Variants in CSTPP1 observed in about 807,000 individuals in gnomAD.
CSTPP1 encodes the protein centriolar satellite-associated tubulin polyglutamylase complex regulator 1, also known as UPF0705 protein C11orf49.
the CSTPP1 span, among the ~76,000 whole-genome samples, chr11:47,095,105 C>T: frequency 6.6e-6 from 1 of 151,998 alleles, no homozygotes; most frequent in Non-Finnish European, 1.5e-5. Flanking sequence ...ATGGCATGGC[C>T]CAGGAGAAGT....
the CSTPP1 span, among the ~76,000 whole-genome samples, chr11:46,955,426 C>T: frequency 3.4e-5 from 5 of 147,976 alleles, no homozygotes; most frequent in South Asian, 2.2e-4. Context: ...TGCAGTGGTG[C>T]GATCTCAGCT....
the CSTPP1 span, among the ~76,000 whole-genome samples, chr11:47,042,246 A>T: frequency 6.6e-6 from 1 of 151,744 alleles, no homozygotes; most frequent in African/African-American, 2.4e-5. Context: ...GGAAGGAAGG[A>T]TGGATGGATG....
At chr11:47,157,048 CTA>C in the CSTPP1 span, 1 of 1,614,152 alleles carries the variant, frequency 6.2e-7, no homozygotes, top group African/African-American at 1.3e-5. Context: ...TGGCTGCCAT[CTA>C]TGAGGACCTG....
At chr11:46,981,110 C>T in the CSTPP1 span, among the ~76,000 whole-genome samples, 3 of 151,874 alleles carry the variant, frequency 2.0e-5, no homozygotes, top group African/African-American at 7.3e-5. Flanking sequence ...GAAACACGTA[C>T]AAGAATGTTC....
chr11:47,155,236 C>T, the CSTPP1 span: 1 of 1,613,930 alleles, frequency 6.2e-7, no homozygotes, highest in South Asian at 1.1e-5. Context: ...TCCTCTTTGC[C>T]TTCCAGATCC....
At chr11:47,042,813 T>C in the CSTPP1 span, among the ~76,000 whole-genome samples, 2 of 152,226 alleles carry the variant, frequency 1.3e-5, no homozygotes, top group Non-Finnish European at 2.9e-5. Flanking sequence ...AAGAACTTTG[T>C]AGTTTAGTCA....
At chr11:47,018,287 CT>C in the CSTPP1 span, among the ~76,000 whole-genome samples, 1,447 of 82,242 alleles carry the variant, frequency 0.018, 1 homozygote, top group South Asian at 0.055. Flanking sequence ...GTATGTTTAG[CT>C]TTTTTTTTTT....
the CSTPP1 span, chr11:47,157,985 C>CT: frequency 2.8e-6 from 4 of 1,437,162 alleles, no homozygotes; most frequent in South Asian, 4.6e-5. Flanking sequence ...CAGCTGGCCT[C>CT]TGTTAGCAAC....
chr11:47,028,482 C>T, the CSTPP1 span, among the ~76,000 whole-genome samples: 8 of 152,034 alleles, frequency 5.3e-5, no homozygotes, highest in African/African-American at 1.7e-4. Context: ...GTTCTAAGAA[C>T]TGTAGTAATT....
chr11:47,030,262 G>T, the CSTPP1 span, among the ~76,000 whole-genome samples: 1 of 152,304 alleles, frequency 6.6e-6, no homozygotes, highest in East Asian at 1.9e-4. Flanking sequence ...GGCCTAGGAA[G>T]ACTCAACTGC....
At chr11:46,970,610 A>G in the CSTPP1 span, among the ~76,000 whole-genome samples, 3 of 152,076 alleles carry the variant, frequency 2.0e-5, no homozygotes, top group Admixed American at 1.3e-4. Context: ...AAATTGATAT[A>G]GATCTGTAAG....
the CSTPP1 span, among the ~76,000 whole-genome samples, chr11:47,069,731 CAG>C: frequency 6.6e-6 from 1 of 151,446 alleles, no homozygotes; most frequent in Admixed American, 6.6e-5. Flanking sequence ...TTTTTTGAGA[CAG>C]AGTCTCACTC....
the CSTPP1 span, among the ~76,000 whole-genome samples, chr11:47,143,207 A>C: frequency 1.3e-5 from 2 of 152,168 alleles, no homozygotes; most frequent in Middle Eastern, 3.2e-3. Context: ...GCATCCCCTG[A>C]TTTTGTAAAC....
chr11:47,131,750 G>C, the CSTPP1 span, among the ~76,000 whole-genome samples: 12 of 152,312 alleles, frequency 7.9e-5, no homozygotes, highest in East Asian at 2.3e-3. Context: ...GCTGAGGCGG[G>C]TGGATCACCT....
the CSTPP1 span, among the ~76,000 whole-genome samples, chr11:47,004,160 G>GTTTTTGTTTTTGTT: frequency 6.8e-6 from 1 of 147,946 alleles, no homozygotes; most frequent in Non-Finnish European, 1.5e-5. Flanking sequence ...TTACTGGTTT[G>GTTTTTGTTTTTGTT]TTTTTGTTTT....
At chr11:47,024,716 A>C in the CSTPP1 span, among the ~76,000 whole-genome samples, 1 of 152,154 alleles carries the variant, frequency 6.6e-6, no homozygotes, top group African/African-American at 2.4e-5. Flanking sequence ...TGTTAAATTT[A>C]TGCTCTCCTT....
the CSTPP1 span, among the ~76,000 whole-genome samples, chr11:47,010,159 A>G: frequency 6.6e-6 from 1 of 152,228 alleles, no homozygotes; most frequent in Non-Finnish European, 1.5e-5. Context: ...CAGACAGAGA[A>G]GAGAGAATGG....
the CSTPP1 span, among the ~76,000 whole-genome samples, chr11:46,963,673 T>C: frequency 6.6e-6 from 1 of 151,680 alleles, no homozygotes; most frequent in East Asian, 1.9e-4. Context: ...TAATCCCAGC[T>C]ACTCCGGAGG....
At chr11:47,135,006 G>A in the CSTPP1 span, among the ~76,000 whole-genome samples, 1 of 152,214 alleles carries the variant, frequency 6.6e-6, no homozygotes, top group Non-Finnish European at 1.5e-5. Context: ...CTACTTGGGA[G>A]GCTGAGATGG....
Sources: allele counts gnomAD v4.1 joint callset (sites outside exome capture counted in the v4.1 genomes callset), GRCh38; gene constraint gnomAD v4.1.1; transcripts MANE v1.5; gene names NCBI Gene and HGNC (gene_info 2026-07-23, HGNC 2026-07-21).